SLCO1B3: variants seen among roughly 807,000 people sequenced by gnomAD.
SLCO1B3 encodes liver-specific organic anion transporter 2.
In SLCO1B3, 72 loss-of-function variants were observed where a neutral mutation model predicts 71.8. The ratio of observed to expected loss-of-function variants is 1.00; its 90% CI spans 0.83 to 1.22. SLCO1B3 has a LOEUF of 1.22. SLCO1B3 is among the 50% of genes most tolerant of loss of function. The pLI, the probability that SLCO1B3 is intolerant of heterozygous loss-of-function variation, is 0.00. For missense variants in SLCO1B3, 911 were observed against 819.7 expected (o/e 1.11, Z -1.36); for synonymous variants, 298 against 278.4 (o/e 1.07, Z -0.70).
At chr12:20,822,512 G>A (rs1252633716) in intron 3 of SLCO1B3, among the ~76,000 whole-genome samples, 1 of 152,102 alleles carries the variant, frequency 6.6e-6, no homozygotes, top group Non-Finnish European at 1.5e-5. Flanking sequence ...GGCGGGGCAG[G>A]GCCTTTCACT....
At chr12:20,830,183 A>G (rs1035228705) in intron 3 of SLCO1B3, among the ~76,000 whole-genome samples, 1 of 152,154 alleles carries the variant, frequency 6.6e-6, no homozygotes, top group African/African-American at 2.4e-5. Context: ...CGCCCGTAAG[A>G]GCCTTGTGAA....
intron 3 of SLCO1B3, among the ~76,000 whole-genome samples, chr12:20,840,441 G>T (rs1864772621): frequency 6.7e-6 from 1 of 149,422 alleles, no homozygotes; most frequent in Non-Finnish European, 1.5e-5. Flanking sequence ...GCCCAGGCTG[G>T]AATGCAGTGG....
In SLCO1B3 at chr12:20,865,372, AT is replaced by A. The variant is rs546405419; in HGVS notation, c.727+2524del. 7.6e-4 allele frequency among the ~76,000 whole-genome samples: 115 copies of A among 152,148 alleles called. No individual in the cohort carries two copies. In the South Asian group the frequency reaches 0.012, roughly 16 times the overall value. On this transcript the variant is annotated intron_variant, in intron 8 of 15. Coordinates refer to ENST00000381545, the MANE Select transcript of SLCO1B3 (RefSeq NM_019844.4). ...CTAAATAGTTTTAAATCAATTCAAT[AT>A]TTTTTCATGTCAATGATTTTTCTTA...
At chr12:20,849,354 C>T (rs529256439) in intron 3 of SLCO1B3, among the ~76,000 whole-genome samples, 48 of 151,866 alleles carry the variant, frequency 3.2e-4, no homozygotes, top group South Asian at 1.5e-3. Flanking sequence ...ATCCAACACC[C>T]TTTCTCAACA....
rs371104361 is a variant in SLCO1B3, at chr12:20,863,460, A to G, written c.727+606A>G. The stretch of plus-strand genomic sequence containing the variant: ...TCCTCTTGTAGAAGAATAAGAATCA[A>G]TGTTGTAATATCTGCCTCGACTTCA... On this transcript the variant is annotated intron_variant, in intron 8 of 15. Transcript: ENST00000381545. Among the ~76,000 whole-genome samples, 126 of 152,318 alleles carry G rather than the reference A, an allele frequency of 8.3e-4. 2 individuals are homozygous for G. The South Asian group carries it at 0.025, about 30-fold the overall frequency.
intron 3 of SLCO1B3, among the ~76,000 whole-genome samples, chr12:20,828,594 T>C (rs1441436376): frequency 6.6e-6 from 1 of 151,664 alleles, no homozygotes; most frequent in African/African-American, 2.4e-5. Context: ...GAACTTTTTC[T>C]CAAAAAACAA....
At chr12:20,846,473 C>T (rs1864922132) in intron 3 of SLCO1B3, among the ~76,000 whole-genome samples, 3 of 152,032 alleles carry the variant, frequency 2.0e-5, no homozygotes, top group African/African-American at 7.3e-5. Flanking sequence ...AAAACAAAAA[C>T]CATCAACATA....
At chr12:20,896,219 TTC>T (rs373731466) in intron 13 of SLCO1B3, among the ~76,000 whole-genome samples, 107,152 of 152,050 alleles carry the variant, frequency 0.7, 39,984 homozygotes, top group South Asian at 0.89. Flanking sequence ...GCTTTCAAAT[TTC>T]AGGTATTCAA....
At chr12:20,848,629 A>C (rs10770752) in intron 3 of SLCO1B3, among the ~76,000 whole-genome samples, 81,503 of 151,890 alleles carry the variant, frequency 0.54, 24,634 homozygotes, top group South Asian at 0.77. Flanking sequence ...TGATACAGTC[A>C]AACAATGTAA....
chr12:20,845,762 A>C (rs1329584490), intron 3 of SLCO1B3, among the ~76,000 whole-genome samples: 1 of 152,112 alleles, frequency 6.6e-6, no homozygotes, highest in Non-Finnish European at 1.5e-5. Context: ...GTTTAAGTAC[A>C]TTGTTTTTGT....
intron 3 of SLCO1B3, among the ~76,000 whole-genome samples, chr12:20,833,845 A>G (rs1864606205): frequency 6.8e-6 from 1 of 147,254 alleles, no homozygotes; most frequent in Non-Finnish European, 1.5e-5. Context: ...TTGTGTTTAA[A>G]TAAGTTTATA....
At chr12:20,817,033 C>A (rs1204759214) in intron 3 of SLCO1B3, among the ~76,000 whole-genome samples, 1 of 152,116 alleles carries the variant, frequency 6.6e-6, no homozygotes, top group East Asian at 1.9e-4. Context: ...ATTTTGCCTA[C>A]CTTTTGATCG....
chr12:20,842,104 C>T (rs937836640), intron 3 of SLCO1B3, among the ~76,000 whole-genome samples: 1 of 152,006 alleles, frequency 6.6e-6, no homozygotes, highest in Non-Finnish European at 1.5e-5. Context: ...CCGTATTGGT[C>T]AGGCTGGTCT....
chr12:20,870,687 A>G (rs556950076), intron 8 of SLCO1B3, among the ~76,000 whole-genome samples: 29 of 152,258 alleles, frequency 1.9e-4, no homozygotes, highest in African/African-American at 6.5e-4. Flanking sequence ...CTACATATCT[A>G]TCTTTATGCC....
chr12:20,859,496 T>C (rs7313981), intron 5 of SLCO1B3, among the ~76,000 whole-genome samples: 104,439 of 145,604 alleles, frequency 0.72, 40,086 homozygotes, highest in South Asian at 0.89. Context: ...TTTTTCCCCC[T>C]CTACATTTGG....
chr12:20,894,301 G>A (rs754767489), intron 13 of SLCO1B3, among the ~76,000 whole-genome samples: 2 of 152,144 alleles, frequency 1.3e-5, no homozygotes, highest in Non-Finnish European at 2.9e-5. Context: ...AACCATGCAC[G>A]AGCGTGTGCA....
At chr12:20,878,029 AT>A in intron 10 of SLCO1B3, 93 bp downstream of exon 10, 1 of 819,752 alleles carries the variant, frequency 1.2e-6, no homozygotes, top group Non-Finnish European at 1.9e-6. Flanking sequence ...GTGATTTTAT[AT>A]TTTACTAAAT....
chr12:20,863,520 C>T (rs1865311632), intron 8 of SLCO1B3, among the ~76,000 whole-genome samples: 1 of 152,124 alleles, frequency 6.6e-6, no homozygotes, highest in African/African-American at 2.4e-5. Context: ...TTCACCATAT[C>T]CATATTTATC....
intron 4 of SLCO1B3, among the ~76,000 whole-genome samples, chr12:20,856,603 C>T (rs907883404): frequency 2.0e-5 from 3 of 152,072 alleles, no homozygotes; most frequent in Non-Finnish European, 2.9e-5. Flanking sequence ...CCTCTGTCGC[C>T]CATGCTCGTG....
Sources: allele counts gnomAD v4.1 joint callset (sites outside exome capture counted in the v4.1 genomes callset), GRCh38; gene constraint gnomAD v4.1.1; transcripts MANE v1.5; gene names NCBI Gene and HGNC (gene_info 2026-07-23, HGNC 2026-07-21).